LRP1B: variants seen among roughly 807,000 people sequenced by gnomAD.
LRP1B encodes LDL receptor related protein 1B.
LRP1B carries 217 observed loss-of-function variants against 556.6 expected under a neutral mutation model. That is an observed-to-expected ratio of 0.39 (90% CI 0.35 to 0.44). The LOEUF is 0.44. Among genes scored for constraint, LRP1B ranks in the 20% least tolerant of loss-of-function variants. The pLI is 1.00. For synonymous variants in LRP1B, 2,047 were observed against 1,865.8 expected (o/e 1.10, Z -2.50); for missense variants, 5,053 against 5,620.8 (o/e 0.90, Z 3.23).
chr2:140,691,744 C>T (rs1018816454), intron 41 of LRP1B, among the ~76,000 whole-genome samples: 1 of 152,106 alleles, frequency 6.6e-6, no homozygotes, highest in Non-Finnish European at 1.5e-5. Flanking sequence ...AAATTCCAAA[C>T]ATGCATATGT....
chr2:141,090,157 G>A (rs1700141268), intron 7 of LRP1B, among the ~76,000 whole-genome samples: 2 of 152,144 alleles, frequency 1.3e-5, no homozygotes, highest in Non-Finnish European at 2.9e-5. Flanking sequence ...TGATTGATTT[G>A]CATATACGTT....
chr2:140,677,459 AGAG>A (rs1685710724), intron 41 of LRP1B, among the ~76,000 whole-genome samples: 1 of 152,088 alleles, frequency 6.6e-6, no homozygotes, highest in Admixed American at 6.5e-5. Flanking sequence ...GAACAGAGAG[AGAG>A]AAAAAAAACC....
intron 2 of LRP1B, among the ~76,000 whole-genome samples, chr2:141,555,354 G>T (rs139227983): frequency 1.3e-4 from 19 of 151,986 alleles, no homozygotes; most frequent in African/African-American, 3.9e-4. Context: ...GTGTAACTAA[G>T]TAAATAAAAA....
intron 66 of LRP1B, among the ~76,000 whole-genome samples, chr2:140,421,497 G>A (rs1375591416): frequency 6.6e-6 from 1 of 151,486 alleles, no homozygotes; most frequent in Non-Finnish European, 1.5e-5. Context: ...CCCCTTTCCT[G>A]ACAAGAAATG....
chr2:140,404,332 G>A (rs889249843), intron 66 of LRP1B, among the ~76,000 whole-genome samples: 1 of 151,532 alleles, frequency 6.6e-6, no homozygotes, highest in Non-Finnish European at 1.5e-5. Context: ...CCGCCACCAC[G>A]CCCAGCTATC....
chr2:141,443,259 C>T (rs1466621662), intron 3 of LRP1B, among the ~76,000 whole-genome samples: 1 of 152,256 alleles, frequency 6.6e-6, no homozygotes, highest in South Asian at 2.1e-4. Flanking sequence ...TATCCTTCAC[C>T]CACTTTTTGA....
intron 5 of LRP1B, among the ~76,000 whole-genome samples, chr2:141,233,387 T>G (rs988478758): frequency 2.6e-5 from 4 of 152,192 alleles, no homozygotes; most frequent in African/African-American, 9.7e-5. Context: ...CTAAAAACAT[T>G]TCTCTCTCCT....
At chr2:141,010,577 C>A (rs990864922) in intron 14 of LRP1B, among the ~76,000 whole-genome samples, 1 of 151,594 alleles carries the variant, frequency 6.6e-6, no homozygotes, top group Non-Finnish European at 1.5e-5. Context: ...TGCAGTGGAA[C>A]ATTCTCGGCT....
chr2:141,624,032 T>TAAAAAAAAAAAAAAAAAAAA (rs761446527), intron 2 of LRP1B, among the ~76,000 whole-genome samples: 1 of 14,448 alleles, frequency 6.9e-5, no homozygotes, highest in African/African-American at 1.7e-4. Context: ...AAAAAAAAAT[T>TAAAAAAAAAAAAAAAAAAAA]AAACAAAAAA....
chr2:141,968,222 C>G (rs983968872), intron 1 of LRP1B, among the ~76,000 whole-genome samples: 2 of 151,672 alleles, frequency 1.3e-5, no homozygotes, highest in Non-Finnish European at 2.9e-5. Context: ...AACAACATCC[C>G]GGCAAAAAGC....
At chr2:141,199,556 C>T (rs889855324) in intron 6 of LRP1B, among the ~76,000 whole-genome samples, 1 of 152,164 alleles carries the variant, frequency 6.6e-6, no homozygotes, top group African/African-American at 2.4e-5. Flanking sequence ...CACTCTACTG[C>T]AGTCACACTT....
chr2:141,512,665 GC>G (rs1465759730), intron 2 of LRP1B, among the ~76,000 whole-genome samples: 2 of 152,088 alleles, frequency 1.3e-5, no homozygotes, highest in Non-Finnish European at 2.9e-5. Context: ...CAGCAGTTTA[GC>G]TTTTAGCTTA....
intron 2 of LRP1B, among the ~76,000 whole-genome samples, chr2:141,783,792 A>G (rs1695338398): frequency 6.6e-6 from 1 of 152,026 alleles, no homozygotes; most frequent in Middle Eastern, 3.5e-3. Flanking sequence ...ATTTGGTACT[A>G]AAATGAAAAA....
chr2:140,650,452 G>A (rs1436661245), intron 41 of LRP1B, among the ~76,000 whole-genome samples: 3 of 151,776 alleles, frequency 2.0e-5, no homozygotes, highest in Non-Finnish European at 4.4e-5. Flanking sequence ...GGGTTCAAGC[G>A]ATTCTCCTGT....
intron 2 of LRP1B, among the ~76,000 whole-genome samples, chr2:141,510,877 AACAC>A (rs763698242): frequency 1.4e-5 from 2 of 141,366 alleles, no homozygotes; most frequent in African/African-American, 5.3e-5. Flanking sequence ...TCCTTGTCTA[AACAC>A]ACACACACAC....
chr2:141,953,096 T>C (rs563819696), intron 1 of LRP1B, among the ~76,000 whole-genome samples: 6 of 152,178 alleles, frequency 3.9e-5, no homozygotes, highest in Admixed American at 2.6e-4. Context: ...TTTGACTCTC[T>C]TGAGGGTGAC....
intron 2 of LRP1B, among the ~76,000 whole-genome samples, chr2:141,702,349 AG>A (rs1691970501): frequency 6.6e-6 from 1 of 151,898 alleles, no homozygotes. Flanking sequence ...AGAAGCAAGG[AG>A]GCAGCTTCCC....
intron 11 of LRP1B, among the ~76,000 whole-genome samples, chr2:141,030,739 C>A (rs76617206): frequency 2.4e-4 from 37 of 151,872 alleles, no homozygotes; most frequent in Admixed American, 2.4e-3. Context: ...CTAAATATAG[C>A]ATACTATACT....
At chr2:140,730,915 A>C (rs923541683) in intron 35 of LRP1B, among the ~76,000 whole-genome samples, 1 of 151,984 alleles carries the variant, frequency 6.6e-6, no homozygotes, top group Admixed American at 6.6e-5. Flanking sequence ...GAAGCGACGG[A>C]CTCAGACCAT....
Sources: allele counts gnomAD v4.1 joint callset (sites outside exome capture counted in the v4.1 genomes callset), GRCh38; gene constraint gnomAD v4.1.1; transcripts MANE v1.5; gene names NCBI Gene and HGNC (gene_info 2026-07-23, HGNC 2026-07-21).